The following SRSF7 variants were observed in gnomAD, a reference collection of about 807,000 sequenced individuals.
The protein encoded by SRSF7 is serine/arginine-rich splicing factor 7.
SRSF7 carries 15 observed loss-of-function variants against 42.2 expected under a neutral mutation model. The observed-to-expected ratio is 0.36, with a 90% CI of 0.24 to 0.55. The LOEUF is 0.55. SRSF7 is among the 20% of genes least tolerant of loss of function. The pLI is 0.88. For synonymous variants in SRSF7, 138 were observed against 107.9 expected, an observed-to-expected ratio of 1.28 and a Z score of -1.73; for missense variants, 181 against 305.9, an observed-to-expected ratio of 0.59 and a Z score of 3.04.
At chr2:38,749,156 C>T in intron 3 of SRSF7, 3 of 1,320,584 alleles carry the variant, frequency 2.3e-6, no homozygotes, top group East Asian at 5.3e-5. Flanking sequence ...CGGCGATCAC[C>T]GTCTCAAATT....
chr2:38,749,831 GT>G, intron 2 of SRSF7, 126 bp from the exon 3 acceptor site: 1 of 1,286,518 alleles, frequency 7.8e-7, no homozygotes, highest in Non-Finnish European at 1.0e-6. Context: ...AACTTTGGCG[GT>G]CTTTACCAAG....
chr2:38,748,048 G>C lies in SRSF7; in HGVS notation c.571C>G (p.Gln191Glu). Residue 191 changes from glutamine (Q) to glutamate (E), a missense_variant and splice_region_variant, in exon 5 of 8, where the codon CAA (glutamine) becomes GAA (glutamate). Gln to Glu is a conservative substitution (Grantham distance 29). Transcript: ENST00000313117. ...GTAAGGAAAAAAAGTGTTACATACT[G>C]GAAATACCTCGATCCTTTTATAGAA... ...SGSIKGSRYF[Q>E]SPSRSRSRSR... is the part of the protein sequence containing the mutation. 1 of 1,610,618 alleles carries C rather than the reference G, an allele frequency of 6.2e-7. No individual in the cohort carries two copies. Among genetic ancestry groups the C allele is most frequent in the Non-Finnish European group, 8.5e-7 (1 of 1,177,218 alleles).
At chr2:38,751,183 T>G in intron 1 of SRSF7, 46 bp downstream of exon 1, 1 of 1,613,040 alleles carries the variant, frequency 6.2e-7, no homozygotes, top group Non-Finnish European at 8.5e-7. Context: ...CTCGCAGTGC[T>G]CACTACACCC....
At chr2:38,745,624 C>T (rs1486104949) in intron 7 of SRSF7, among the ~76,000 whole-genome samples, 2 of 151,408 alleles carry the variant, frequency 1.3e-5, no homozygotes, top group Non-Finnish European at 2.9e-5. Flanking sequence ...CACTGCACTC[C>T]AAGCCTGGGG....
In SRSF7 at chr2:38,751,221, C is replaced by T. The variant is rs753226086; in HGVS notation, c.28+8G>A. 26 of 1,614,006 alleles carry T rather than the reference C, an allele frequency of 1.6e-5. No individual in the cohort carries two copies. Among genetic ancestry groups the T allele is most frequent in the South Asian group, 6.6e-5 (6 of 91,092 alleles). On this transcript the variant is annotated splice_region_variant and intron_variant, in intron 1 of 7. Coordinates refer to ENST00000313117, the MANE Select transcript of SRSF7 (RefSeq NM_001031684.3). ...ACCAACGTCCCTCACCGGACTCCAG[C>T]TTCTTACCTCCTCCGTACCGCCCGT... is the stretch of plus-strand genomic sequence containing the variant.
At position 38,751,335 on chromosome 2, in the gene SRSF7, AC is replaced by A; in HGVS notation, c.-80del. 3.7e-4 allele frequency: 582 copies of A among 1,561,906 alleles called. No homozygotes were observed. The highest frequency in any genetic ancestry group is 3.7e-4 in the Non-Finnish European group (428 of 1,152,180). On this transcript the variant is annotated 5_prime_UTR_variant, in exon 1 of 8. Coordinates refer to ENST00000313117, the MANE Select transcript of SRSF7 (RefSeq NM_001031684.3). ...GACGCAAAAGCTGACACACACCTTC[AC>A]CCGCCAAGAGTCCCGGCGGCACTAC...
chr2:38,747,345 A>C (rs903586988), intron 5 of SRSF7, among the ~76,000 whole-genome samples: 2 of 152,238 alleles, frequency 1.3e-5, no homozygotes, highest in Non-Finnish European at 2.9e-5. Flanking sequence ...CAAATAGACC[A>C]CAAGATTCAG....
In SRSF7 at chr2:38,751,242, C is replaced by G; in HGVS notation, c.15G>C (p.Gly5=). The part of the protein sequence containing the change: MSRY[G]RYGGETKVYV... ...CCAGCTTCTTACCTCCTCCGTACCG[C>G]CCGTAACGCGACATGATGACAGACC... Residue 5 remains glycine, a synonymous_variant, in exon 1 of 8, where the codon GGG becomes GGC. Coordinates refer to ENST00000313117, the MANE Select transcript of SRSF7 (RefSeq NM_001031684.3). 3 of 1,614,060 alleles carry G rather than the reference C, an allele frequency of 1.9e-6. No homozygotes were observed. The highest frequency in any genetic ancestry group is 2.5e-6 in the Non-Finnish European group (3 of 1,180,022).
At position 38,750,028 on chromosome 2, in the gene SRSF7, T is replaced by G; in HGVS notation, c.195A>C (p.Arg65=). ...ATCTTACTTACTTTCCATCCAGTCCTCGTACTGCATCTTCTGCATCTCTAG... is the reference window on the plus strand; with the variant it reads ...ATCTTACTTACTTTCCATCCAGTCCGCGTACTGCATCTTCTGCATCTCTAG... The part of the protein sequence containing the change: ...EDPRDAEDAV[R]GLDGKVICGS... The change falls in exon 2 of 8, where the codon CGA becomes CGC. Residue 65 remains arginine (R), a synonymous_variant. Coordinates refer to ENST00000313117, the MANE Select transcript of SRSF7 (RefSeq NM_001031684.3). 5 of 1,612,052 alleles carry G rather than the reference T, an allele frequency of 3.1e-6. No individual in the cohort carries two copies. In the South Asian group the frequency reaches 5.5e-5, roughly 18 times the overall value.
At chr2:38,745,710 C>A (rs1667279726) in intron 7 of SRSF7, among the ~76,000 whole-genome samples, 2 of 152,050 alleles carry the variant, frequency 1.3e-5, no homozygotes, top group East Asian at 3.9e-4. Context: ...GGTCAACCTG[C>A]AGTTAAATAT....
chr2:38,751,008 C>A (rs540775363), intron 1 of SRSF7: 3 of 568,990 alleles, frequency 5.3e-6, no homozygotes, highest in African/African-American at 1.9e-5. Flanking sequence ...TGGATTGGGC[C>A]ACAAAAATGC....
intron 5 of SRSF7, 108 bp from the exon 6 acceptor site, chr2:38,746,855 A>AC: frequency 2.6e-6 from 4 of 1,526,762 alleles, no homozygotes; most frequent in Non-Finnish European, 3.5e-6. Context: ...CTAAAACTAA[A>AC]CAAGATGCAA....
At chr2:38,748,529 C>T in intron 4 of SRSF7, 50 bp downstream of exon 4, 3 of 1,557,480 alleles carry the variant, frequency 1.9e-6, no homozygotes, top group Non-Finnish European at 2.7e-6. Flanking sequence ...GTTGGACTAC[C>T]AGTGAATTTA....
In SRSF7 at chr2:38,744,772, A is replaced by G; in HGVS notation, c.*361T>C. ...TTTATGCATAGAATAGTGATGTTCA[A>G]GACTTAACCAACACCTTTCAATTCT... On this transcript the variant is annotated 3_prime_UTR_variant, in exon 8 of 8. Transcript: ENST00000313117. 2 of 203,728 alleles carry G rather than the reference A, an allele frequency of 9.8e-6. No individual in the cohort carries two copies. The highest frequency in any genetic ancestry group is 1.0e-4 in the South Asian group (1 of 9,918). 12.6% of individuals were successfully genotyped at this position (203,728 alleles called of 1,614,324 possible). A position where few individuals can be genotyped will look rare whatever the true frequency, so the allele number is the denominator to read the frequency against.
At position 38,745,948 on chromosome 2, in the gene SRSF7, CTAAG is replaced by C. The variant is rs200834224; in HGVS notation, c.662+192_662+195del. On this transcript the variant is annotated intron_variant, in intron 7 of 7. Transcript: ENST00000313117. ...TAATAATCACCCTAACATTTTATGA[CTAAG>C]TATTTCCAGCAAAAGTATAAACTAA... Among the ~76,000 whole-genome samples the C allele has an allele frequency of 5.0e-3, 764 of 152,030 alleles. 9 individuals are homozygous for C. Among genetic ancestry groups the C allele is most frequent in the African/African-American group, 0.016 (684 of 41,458 alleles).
At chr2:38,746,375 T>C (rs776103518) in intron 6 of SRSF7, among the ~76,000 whole-genome samples, 196 bp from the exon 7 acceptor site, 7 of 152,224 alleles carry the variant, frequency 4.6e-5, no homozygotes, top group Non-Finnish European at 8.8e-5. Flanking sequence ...ACTCAATTAC[T>C]ACATCATGAT....
Position 38,748,109 on chromosome 2 carries a change from T to C in SRSF7, c.510A>G (p.Arg170=). Residue 170 remains arginine (R), a synonymous_variant, in exon 5 of 8, where the codon AGA becomes AGG. Coordinates refer to ENST00000313117, the MANE Select transcript of SRSF7 (RefSeq NM_001031684.3). ...ATCTTCTGAGTGAAGCTGATCTTGA[T>C]CTACGAAGAGAGATAGATCTTGATC... is the stretch of plus-strand genomic sequence containing the variant. The part of the protein sequence containing the change: ...PRRSRSISLR[R]SRSASLRRSR... The C allele has an allele frequency of 6.2e-7, 1 of 1,613,892 alleles. No individual in the cohort carries two copies. The highest frequency in any genetic ancestry group is 1.3e-5 in the African/African-American group (1 of 74,906).
At chr2:38,746,285 G>C in intron 6 of SRSF7, 106 bp from the exon 7 acceptor site, 1 of 1,275,636 alleles carries the variant, frequency 7.8e-7, no homozygotes, top group Non-Finnish European at 1.1e-6. Flanking sequence ...TAAAATGTCA[G>C]ACTGCACTTA....
At chr2:38,748,746 T>C in intron 3 of SRSF7, 93 bp from the exon 4 acceptor site, 1 of 1,389,874 alleles carries the variant, frequency 7.2e-7, no homozygotes, top group African/African-American at 1.4e-5. Context: ...CTCAAAACTA[T>C]TTAAATTTAG....
Sources: gnomAD v4.1 joint callset for allele counts (sites outside exome capture counted in the v4.1 genomes callset) on GRCh38, gnomAD v4.1.1 for gene constraint, MANE v1.5 for transcripts, NCBI Gene and HGNC (gene_info 2026-07-23, HGNC 2026-07-21) for gene names.